Variants in XIRP2 observed in about 807,000 individuals in gnomAD.
The protein encoded by XIRP2 is xin actin-binding repeat-containing protein 2.
In XIRP2, 236 loss-of-function variants were observed where a neutral mutation model predicts 277.0. The ratio of observed to expected loss-of-function variants is 0.85; its 90% CI spans 0.77 to 0.95. The LOEUF (loss-of-function observed/expected upper bound fraction) is 0.95. Ranked by LOEUF, XIRP2 falls within the 40% of genes least tolerant of loss-of-function variation. XIRP2 has a pLI of 0.00. For missense variants in XIRP2, 4,640 were observed against 4,157.5 expected (o/e 1.12, Z -3.19); for synonymous variants, 1,490 against 1,416.5 (o/e 1.05, Z -1.17).
At chr2:167,009,809 T>A (rs1311649421) in intron 2 of XIRP2, among the ~76,000 whole-genome samples, 1 of 152,216 alleles carries the variant, frequency 6.6e-6, no homozygotes, top group African/African-American at 2.4e-5. Flanking sequence ...ACTTCTCTGA[T>A]AGCCAGTGAC....
chr2:167,133,770 TC>T (rs1240189173), intron 2 of XIRP2, among the ~76,000 whole-genome samples: 4 of 152,216 alleles, frequency 2.6e-5, no homozygotes, highest in African/African-American at 9.6e-5. Flanking sequence ...CATACTGCGT[TC>T]ATGTCATAGC....
At chr2:167,233,608 G>C (rs1032394201) in intron 5 of XIRP2, among the ~76,000 whole-genome samples, 1 of 151,660 alleles carries the variant, frequency 6.6e-6, no homozygotes, top group African/African-American at 2.4e-5. Flanking sequence ...GGTGAGGAAG[G>C]GATGGTAATC....
intron 2 of XIRP2, among the ~76,000 whole-genome samples, chr2:166,927,856 A>G: frequency 6.6e-6 from 1 of 152,140 alleles, no homozygotes; most frequent in East Asian, 1.9e-4. Flanking sequence ...TATGTTTCAA[A>G]GCCATGAATA....
At chr2:167,073,707 T>A in intron 2 of XIRP2, among the ~76,000 whole-genome samples, 1 of 152,184 alleles carries the variant, frequency 6.6e-6, no homozygotes, top group Non-Finnish European at 1.5e-5. Context: ...TATGTATCAG[T>A]CGAAATATCC....
chr2:167,187,236 C>G (rs1396060423), intron 3 of XIRP2: 6 of 985,226 alleles, frequency 6.1e-6, no homozygotes, highest in Middle Eastern at 5.2e-4. Flanking sequence ...GGCAGAGTGG[C>G]CTCAGAGACA....
intron 5 of XIRP2, among the ~76,000 whole-genome samples, 194 bp downstream of exon 5, chr2:167,218,494 T>C (rs1256919354): frequency 2.6e-5 from 4 of 152,254 alleles, no homozygotes; most frequent in Non-Finnish European, 4.4e-5. Flanking sequence ...TGAAGCATTT[T>C]TGCCAAATTT....
rs757401575 is a variant in XIRP2 at position 167,243,596 on chromosome 2, G to A, written c.2204G>A (p.Cys735Tyr). The change falls in exon 9 of 11, where the codon TGT becomes TAT. Residue 735 changes from cysteine (C) to tyrosine (Y), a missense_variant. Physicochemically the swap from Cys to Tyr is radical, Grantham distance 194. Coordinates refer to ENST00000409195, the MANE Select transcript of XIRP2 (RefSeq NM_152381.6). ...GGAAATGTTAAAAGAAGTATAAAATGTTTCGAAACTCAACCATTATATGTT... is the reference window on the plus strand; with the variant it reads ...GGAAATGTTAAAAGAAGTATAAAATATTTCGAAACTCAACCATTATATGTT... ...IKGNVKRSIK[C>Y]FETQPLYVIR... 4.3e-6 allele frequency: 7 copies of A among 1,613,988 alleles called. No individual in the cohort carries two copies. Among genetic ancestry groups the A allele is most frequent in the South Asian group, 1.1e-5 (1 of 91,078 alleles).
At chr2:166,909,237 C>T (rs1684628944) in intron 2 of XIRP2, among the ~76,000 whole-genome samples, 1 of 152,162 alleles carries the variant, frequency 6.6e-6, no homozygotes, top group Non-Finnish European at 1.5e-5. Flanking sequence ...ATTGATTCTT[C>T]CTATCCACGA....
At chr2:167,109,734 G>A (rs960930594) in intron 2 of XIRP2, among the ~76,000 whole-genome samples, 30 of 152,006 alleles carry the variant, frequency 2.0e-4, no homozygotes, top group African/African-American at 7.2e-4. Flanking sequence ...CTAATAATGG[G>A]ATTGCTGGGA....
chr2:167,038,176 T>A (rs1425366323), intron 2 of XIRP2, among the ~76,000 whole-genome samples: 3 of 152,026 alleles, frequency 2.0e-5, no homozygotes, highest in South Asian at 2.1e-4. Context: ...GAATAAAAAA[T>A]TTTAATTTAC....
chr2:167,221,072 C>T (rs1327687809), intron 5 of XIRP2, among the ~76,000 whole-genome samples: 1 of 151,982 alleles, frequency 6.6e-6, no homozygotes, highest in African/African-American at 2.4e-5. Context: ...AGCCATAATG[C>T]AAGGCAATAT....
intron 2 of XIRP2, among the ~76,000 whole-genome samples, chr2:166,910,903 T>G (rs1684682807): frequency 6.6e-6 from 1 of 152,222 alleles, no homozygotes; most frequent in Admixed American, 6.5e-5. Context: ...GTTGTTCAGT[T>G]TCCATGTAGT....
chr2:167,024,527 G>C (rs1400554586), intron 2 of XIRP2, among the ~76,000 whole-genome samples: 1 of 152,096 alleles, frequency 6.6e-6, no homozygotes, highest in African/African-American at 2.4e-5. Context: ...TCCCTGTCTT[G>C]TGCCAGTTTT....
chr2:167,198,302 C>T (rs991405029), intron 3 of XIRP2, among the ~76,000 whole-genome samples: 1 of 152,106 alleles, frequency 6.6e-6, no homozygotes, highest in African/African-American at 2.4e-5. Flanking sequence ...GAGAGTAACC[C>T]AGCATCTGAT....
chr2:166,921,928 C>T (rs935443953), intron 2 of XIRP2, among the ~76,000 whole-genome samples: 1 of 152,166 alleles, frequency 6.6e-6, no homozygotes, highest in African/African-American at 2.4e-5. Flanking sequence ...GCTCCTCTGG[C>T]TTGCACACCT....
At chr2:167,110,552 A>G (rs1202059900) in intron 2 of XIRP2, among the ~76,000 whole-genome samples, 2 of 152,158 alleles carry the variant, frequency 1.3e-5, no homozygotes, top group Admixed American at 6.6e-5. Flanking sequence ...TTGTACCAGT[A>G]GCATGCTGCC....
chr2:167,003,982 G>C (rs939893588), intron 2 of XIRP2, among the ~76,000 whole-genome samples: 1 of 151,600 alleles, frequency 6.6e-6, no homozygotes, highest in Admixed American at 6.6e-5. Flanking sequence ...TTAAATTATC[G>C]AGTTAAAATA....
In XIRP2 at chr2:167,202,245, A is replaced by T. The variant is rs367956433; in HGVS notation, c.563-8490A>T. 5.9e-5 allele frequency among the ~76,000 whole-genome samples: 9 copies of T among 152,304 alleles called. No individual in the cohort carries two copies. The South Asian group carries it at 1.2e-3, about 21-fold the overall frequency. On this transcript the variant is annotated intron_variant, in intron 3 of 10. Coordinates refer to ENST00000409195, the MANE Select transcript of XIRP2 (RefSeq NM_152381.6). The stretch of plus-strand genomic sequence containing the variant: ...CAATTATTGATTTTTTTAACTGGCC[A>T]AATCTCTAAGCTAACCAATTAATTT...
At chr2:166,901,920 A>G (rs988533171) in intron 1 of XIRP2, among the ~76,000 whole-genome samples, 1 of 152,224 alleles carries the variant, frequency 6.6e-6, no homozygotes, top group Non-Finnish European at 1.5e-5. Context: ...TAGGAGGCTG[A>G]GGTATAGTAT....
Sources: gnomAD v4.1 joint callset for allele counts (sites outside exome capture counted in the v4.1 genomes callset) on GRCh38, gnomAD v4.1.1 for gene constraint, MANE v1.5 for transcripts, NCBI Gene and HGNC (gene_info 2026-07-23, HGNC 2026-07-21) for gene names.